The following MAP2K5 variants were observed in gnomAD, a reference collection of about 807,000 sequenced individuals.
MAP2K5 encodes dual specificity mitogen-activated protein kinase kinase 5.
In MAP2K5, 49 loss-of-function variants were observed where a neutral mutation model predicts 83.1. The ratio of observed to expected loss-of-function variants is 0.59; its 90% CI spans 0.47 to 0.75. MAP2K5 has a LOEUF of 0.75. Ranked by LOEUF, MAP2K5 falls within the 30% of genes least tolerant of loss-of-function variation. MAP2K5 has a pLI of 0.00. For missense variants in MAP2K5, 457 were observed against 557.5 expected (o/e 0.82, Z 1.82); for synonymous variants, 202 against 191.8 (o/e 1.05, Z -0.44).
Position 67,769,479 on chromosome 15 carries a change from G to A in MAP2K5, c.1135-123G>A. 1 of 778,896 alleles carries A rather than the reference G, an allele frequency of 1.3e-6. No homozygotes were observed. The highest frequency in any genetic ancestry group is 1.7e-5 in the South Asian group (1 of 59,358). 48.2% of individuals were successfully genotyped at this position (778,896 alleles called of 1,614,324 possible). On this transcript the variant is annotated intron_variant, in intron 19 of 21. Transcript: ENST00000178640. This position sits in a 1 kb window ranked among gnomAD's most constrained non-coding sequence, Gnocchi z 5.2. ...TAAGGTAAAGACAGTCTTTTTAATT[G>A]GGTGAGGCCTTATTCTCATTGTATT...
chr15:67,619,309 C>A (rs2086126693), intron 8 of MAP2K5, among the ~76,000 whole-genome samples: 1 of 152,062 alleles, frequency 6.6e-6, no homozygotes, highest in Non-Finnish European at 1.5e-5. Flanking sequence ...ATGCACTTAC[C>A]CCCACCTCAC....
intron 2 of MAP2K5, among the ~76,000 whole-genome samples, chr15:67,554,934 G>T (rs972067499): frequency 7.9e-5 from 12 of 152,232 alleles, no homozygotes; most frequent in Non-Finnish European, 1.6e-4. Flanking sequence ...GTGGTGGACA[G>T]TTCAGGCCTC....
intron 2 of MAP2K5, among the ~76,000 whole-genome samples, chr15:67,550,657 G>A (rs2084489146): frequency 6.6e-6 from 1 of 151,990 alleles, no homozygotes; most frequent in Admixed American, 6.6e-5. Flanking sequence ...CATGGAATGA[G>A]TCATGCTACG....
chr15:67,597,034 T>G (rs1427185930), intron 7 of MAP2K5, among the ~76,000 whole-genome samples: 1 of 151,586 alleles, frequency 6.6e-6, no homozygotes, highest in Non-Finnish European at 1.5e-5. Context: ...CTGGGCATGG[T>G]GGTGGGCGCC....
intron 13 of MAP2K5, among the ~76,000 whole-genome samples, chr15:67,691,643 A>G (rs1001014151): frequency 4.6e-5 from 7 of 152,222 alleles, no homozygotes; most frequent in South Asian, 2.1e-4. Flanking sequence ...ATGCTGCTCT[A>G]TACCATCAAA....
intron 9 of MAP2K5, 52 bp downstream of exon 9, chr15:67,630,979 C>A: frequency 7.3e-7 from 1 of 1,373,888 alleles, no homozygotes; most frequent in Non-Finnish European, 1.0e-6. Flanking sequence ...TCTTTCCTTT[C>A]CTCTGTTAGC....
At position 67,732,959 on chromosome 15, in the gene MAP2K5, A is replaced by AG. The variant is rs537481757; in HGVS notation, c.1074+5021dup. Among the ~76,000 whole-genome samples the AG allele has an allele frequency of 3.3e-3, 505 of 151,992 alleles. 1 individual carries two copies. Among genetic ancestry groups the AG allele is most frequent in the African/African-American group, 0.01 (434 of 41,416 alleles). On this transcript the variant is annotated intron_variant, in intron 17 of 21. Transcript: ENST00000178640. ...CTTGTAAGCAGATAGCTCTGTGGGG[A>AG]GGGGGGGCTTAACAGCGACTGTGGG...
chr15:67,569,005 C>CAAAAAAAAAAAA (rs71142380), intron 3 of MAP2K5, among the ~76,000 whole-genome samples: 3 of 91,206 alleles, frequency 3.3e-5, no homozygotes, highest in Non-Finnish European at 4.4e-5. Flanking sequence ...GACTCCATCT[C>CAAAAAAAAAAAA]AAAAAAAAAA....
At position 67,573,378 on chromosome 15, in the gene MAP2K5, T is replaced by A. The variant is rs1362324483; in HGVS notation, c.253-7376T>A. ...GGAAGCAAGTACTTTCTTCACAGGG[T>A]GGCAGGAGAGACAGTTGGGTAGAGG... On this transcript the variant is annotated intron_variant, in intron 3 of 21. Transcript: ENST00000178640. The surrounding 1 kb of genome is among the most constrained non-coding windows in gnomAD (Gnocchi z 4.2). 2.6e-5 allele frequency among the ~76,000 whole-genome samples: 4 copies of A among 152,024 alleles called. No individual in the cohort carries two copies. Among genetic ancestry groups the A allele is most frequent in the Non-Finnish European group, 4.4e-5 (3 of 67,992 alleles).
chr15:67,723,703 T>C (rs1240093802), intron 16 of MAP2K5, among the ~76,000 whole-genome samples: 3 of 152,156 alleles, frequency 2.0e-5, no homozygotes, highest in Non-Finnish European at 4.4e-5. Flanking sequence ...TGAGACCCAT[T>C]TGATGAATTG....
intron 13 of MAP2K5, among the ~76,000 whole-genome samples, chr15:67,689,535 A>T (rs923742536): frequency 6.6e-6 from 1 of 152,162 alleles, no homozygotes; most frequent in Non-Finnish European, 1.5e-5. Flanking sequence ...TGGAATGCAA[A>T]GATTGATTTG....
chr15:67,613,162 C>T (rs1397967425), intron 8 of MAP2K5, among the ~76,000 whole-genome samples: 2 of 152,104 alleles, frequency 1.3e-5, no homozygotes, highest in African/African-American at 2.4e-5. Flanking sequence ...TAATTAGAAG[C>T]TGGATGATTC....
chr15:67,699,540 C>G (rs1238231674), intron 15 of MAP2K5, among the ~76,000 whole-genome samples: 1 of 152,160 alleles, frequency 6.6e-6, no homozygotes, highest in Non-Finnish European at 1.5e-5. Context: ...GATTTACACC[C>G]TGGGTATATG....
rs1027807112 is a variant in MAP2K5, at chr15:67,746,851, G to T, written c.1075-1380G>T. ...AAACACTTTTTAAAACACTCAGGCA[G>T]TAGGAAGAAGGGTGTGCTGATCAGC... On this transcript the variant is annotated intron_variant, in intron 17 of 21. Coordinates refer to ENST00000178640, the MANE Select transcript of MAP2K5 (RefSeq NM_145160.3). This position sits in a 1 kb window ranked among gnomAD's most constrained non-coding sequence, Gnocchi z 4.1. Among the ~76,000 whole-genome samples, 1 of 152,218 alleles carries T rather than the reference G, an allele frequency of 6.6e-6. No homozygotes were observed. The highest frequency in any genetic ancestry group is 2.4e-5 in the African/African-American group (1 of 41,456).
At chr15:67,791,936 C>T (rs2090525013) in intron 21 of MAP2K5, among the ~76,000 whole-genome samples, 1 of 152,162 alleles carries the variant, frequency 6.6e-6, no homozygotes, top group African/African-American at 2.4e-5. Flanking sequence ...ATGGCTGCAA[C>T]AAAGACTTAA....
intron 17 of MAP2K5, among the ~76,000 whole-genome samples, chr15:67,734,548 AATTTT>A (rs2089296207): frequency 6.6e-6 from 1 of 152,128 alleles, no homozygotes; most frequent in South Asian, 2.1e-4. Context: ...TTTTACACTT[AATTTT>A]ATTTGTGTTT....
intron 21 of MAP2K5, among the ~76,000 whole-genome samples, chr15:67,773,093 G>A (rs1191305215): frequency 3.3e-5 from 5 of 152,140 alleles, no homozygotes; most frequent in Admixed American, 1.3e-4. Context: ...TAAGTTTTTA[G>A]TGCAATTCTG....
In MAP2K5 at chr15:67,559,027, C is replaced by T. The variant is rs905253728; in HGVS notation, c.185-4256C>T. ...AAAACTCATGGATATGAAGATGTGGCCATGGAAAGTACGGCCTCTGGTCCT... is the reference window on the plus strand; with the variant it reads ...AAAACTCATGGATATGAAGATGTGGTCATGGAAAGTACGGCCTCTGGTCCT... On this transcript the variant is annotated intron_variant, in intron 2 of 21. Transcript: ENST00000178640. This position sits in a 1 kb window ranked among gnomAD's most constrained non-coding sequence, Gnocchi z 4.7. Among the ~76,000 whole-genome samples, 1 of 152,180 alleles carries T rather than the reference C, an allele frequency of 6.6e-6. No individual in the cohort carries two copies. Among genetic ancestry groups the T allele is most frequent in the African/African-American group, 2.4e-5 (1 of 41,448 alleles).
At chr15:67,741,259 G>A (rs1240811881) in intron 17 of MAP2K5, among the ~76,000 whole-genome samples, 2 of 152,144 alleles carry the variant, frequency 1.3e-5, no homozygotes, top group Non-Finnish European at 2.9e-5. Flanking sequence ...CAGCTTTCAT[G>A]TCCAGGTAAC....
Sources: allele counts gnomAD v4.1 joint callset (sites outside exome capture counted in the v4.1 genomes callset), GRCh38; gene constraint gnomAD v4.1.1; non-coding constraint Gnocchi (gnomAD v3.1); transcripts MANE v1.5; gene names NCBI Gene and HGNC (gene_info 2026-07-23, HGNC 2026-07-21).